The following ZNF148 variants were observed in gnomAD, a reference collection of about 807,000 sequenced individuals.
The protein encoded by ZNF148 is Beta-Enolase Repressor Factor-1.
A neutral mutation model predicts 67.7 loss-of-function variants in ZNF148; 7 were observed. The observed-to-expected ratio is 0.10, with a 90% CI of 0.06 to 0.19. The LOEUF is 0.19. Ranked by LOEUF, ZNF148 falls within the 10% of genes least tolerant of loss-of-function variation. ZNF148 has a pLI of 1.00. For synonymous variants in ZNF148, 333 were observed against 330.7 expected, an observed-to-expected ratio of 1.01 and a Z score of -0.08; for missense variants, 583 against 947.1, an observed-to-expected ratio of 0.62 and a Z score of 5.05.
At chr3:125,257,558 T>TAAAAAAA (rs747363908) in intron 7 of ZNF148, among the ~76,000 whole-genome samples, 12 of 92,324 alleles carry the variant, frequency 1.3e-4, no homozygotes, top group South Asian at 1.2e-3. Flanking sequence ...CCGTCTCTAT[T>TAAAAAAA]AAAAAAAAAA....
chr3:125,274,146 A>G (rs1161770869), intron 7 of ZNF148, among the ~76,000 whole-genome samples: 1 of 152,180 alleles, frequency 6.6e-6, no homozygotes, highest in Non-Finnish European at 1.5e-5. Context: ...CACGTCAGAC[A>G]AAAGTACTTG....
At chr3:125,248,492 T>A (rs1271885345) in intron 7 of ZNF148, among the ~76,000 whole-genome samples, 1 of 152,156 alleles carries the variant, frequency 6.6e-6, no homozygotes, top group Non-Finnish European at 1.5e-5. Flanking sequence ...GCACATCGGC[T>A]TTCTTCCCTT....
intron 7 of ZNF148, among the ~76,000 whole-genome samples, 183 bp from the exon 8 acceptor site, chr3:125,234,512 A>C (rs1311927006): frequency 6.6e-6 from 1 of 152,238 alleles, no homozygotes; most frequent in Non-Finnish European, 1.5e-5. Flanking sequence ...GAAAAGGATG[A>C]ATACAGGCAC....
Position 125,365,188 on chromosome 3 carries a change from T to C in ZNF148, c.-234+9914A>G, listed in dbSNP as rs542910968. On this transcript the variant is annotated intron_variant, in intron 1 of 8. Transcript: ENST00000360647. ...CATGTATCCTTCACACTCCCTACCATAGAACCTTGCACATGGTAAATATAA... is the reference window on the plus strand; with the variant it reads ...CATGTATCCTTCACACTCCCTACCACAGAACCTTGCACATGGTAAATATAA... Among the ~76,000 whole-genome samples the C allele has an allele frequency of 1.2e-4, 19 of 152,304 alleles. No homozygotes were observed. The East Asian group carries it at 2.1e-3, about 17-fold the overall frequency.
chr3:125,251,146 C>T (rs762098455), intron 7 of ZNF148, among the ~76,000 whole-genome samples: 3 of 152,164 alleles, frequency 2.0e-5, no homozygotes, highest in Non-Finnish European at 2.9e-5. Flanking sequence ...CATCAACTCA[C>T]GTAACCAGCA....
At chr3:125,311,389 T>C (rs1286370593) in intron 4 of ZNF148, 2 of 152,384 alleles carry the variant, frequency 1.3e-5, no homozygotes, top group African/African-American at 4.8e-5. Flanking sequence ...TGAGAACTCA[T>C]ACCTTTTTCT....
At chr3:125,234,125 GCT>G in intron 8 of ZNF148, 84 bp downstream of exon 8, 1 of 1,217,514 alleles carries the variant, frequency 8.2e-7, no homozygotes, top group Non-Finnish European at 1.2e-6. Flanking sequence ...CCCTTAAATA[GCT>G]CTAAGTTGTA....
At chr3:125,323,915 C>T (rs904463935) in intron 2 of ZNF148, among the ~76,000 whole-genome samples, 4 of 150,344 alleles carry the variant, frequency 2.7e-5, no homozygotes, top group South Asian at 2.1e-4. Context: ...GCCAAGATTG[C>T]GCCACTGCAC....
intron 2 of ZNF148, among the ~76,000 whole-genome samples, chr3:125,329,141 T>C (rs1335091283): frequency 6.6e-6 from 1 of 150,430 alleles, no homozygotes; most frequent in African/African-American, 2.4e-5. Flanking sequence ...ACACCTATCA[T>C]AATAAACATG....
At chr3:125,273,730 G>A (rs537454743) in intron 7 of ZNF148, among the ~76,000 whole-genome samples, 4 of 152,116 alleles carry the variant, frequency 2.6e-5, no homozygotes, top group Admixed American at 1.3e-4. Flanking sequence ...TCCGCCTGCC[G>A]TGGCCTCCCA....
intron 4 of ZNF148, among the ~76,000 whole-genome samples, chr3:125,310,532 A>G (rs1940148395): frequency 6.6e-6 from 1 of 152,194 alleles, no homozygotes; most frequent in Admixed American, 6.5e-5. Flanking sequence ...TCTAAAATGA[A>G]TACGCTTCCA....
chr3:125,239,418 A>C (rs1936244880), intron 7 of ZNF148, among the ~76,000 whole-genome samples: 1 of 152,218 alleles, frequency 6.6e-6, no homozygotes, highest in Non-Finnish European at 1.5e-5. Flanking sequence ...TCAGCACATG[A>C]AAAGATGCTC....
At chr3:125,297,547 C>A (rs1939349858) in intron 4 of ZNF148, among the ~76,000 whole-genome samples, 1 of 151,170 alleles carries the variant, frequency 6.6e-6, no homozygotes, top group Non-Finnish European at 1.5e-5. Context: ...AGAACTACTA[C>A]AAATCTGTAA....
chr3:125,271,539 T>C (rs550400397), intron 7 of ZNF148, among the ~76,000 whole-genome samples: 1 of 152,316 alleles, frequency 6.6e-6, no homozygotes, highest in South Asian at 2.1e-4. Flanking sequence ...CAACAGCATA[T>C]TGGTTAAGGG....
In ZNF148 at chr3:125,233,710, T is replaced by G. The variant is rs1428836846; in HGVS notation, c.1016A>C (p.Lys339Thr). 2 of 1,613,830 alleles carry G rather than the reference T, an allele frequency of 1.2e-6. No individual in the cohort carries two copies. Among genetic ancestry groups the G allele is most frequent in the Non-Finnish European group, 1.7e-6 (2 of 1,179,916 alleles). ...AGGCAAGTAATCATTTTTGTCTTTTTTCAGGTCAGATTTGTCCAAAGCACT... is the reference window on the plus strand; with the variant it reads ...AGGCAAGTAATCATTTTTGTCTTTTGTCAGGTCAGATTTGTCCAAAGCACT... The part of the protein sequence containing the change: ...KESALDKSDL[K>T]KDKNDYLPLY... The change falls in exon 9 of 9, where the codon AAA becomes ACA. Residue 339 changes from lysine (K) to threonine (T), a missense_variant. Lys to Thr is a moderately conservative substitution (Grantham distance 78, BLOSUM62 -1). Around this residue, in one of 5 missense-constraint regions of ZNF148, gnomAD observed 78 missense variants for 86.5 expected, o/e 0.90. Coordinates refer to ENST00000360647, the MANE Select transcript of ZNF148 (RefSeq NM_021964.3). The surrounding 1 kb of genome is among the most constrained non-coding windows in gnomAD (Gnocchi z 5.1).
chr3:125,292,126 T>C (rs958685300), intron 4 of ZNF148, among the ~76,000 whole-genome samples: 2 of 152,200 alleles, frequency 1.3e-5, no homozygotes, highest in Admixed American at 6.5e-5. Context: ...ACAGGAAGAC[T>C]TCAAATTCCA....
chr3:125,279,378 C>A, intron 5 of ZNF148, 131 bp from the exon 6 acceptor site: 1 of 743,410 alleles, frequency 1.3e-6, no homozygotes, highest in Non-Finnish European at 2.0e-6. Flanking sequence ...CTTAAATGAT[C>A]TTGAAAAGAC....
chr3:125,309,164 A>C (rs1220948795), intron 4 of ZNF148, among the ~76,000 whole-genome samples: 1 of 152,220 alleles, frequency 6.6e-6, no homozygotes, highest in Non-Finnish European at 1.5e-5. Context: ...TGGATTATAC[A>C]AGTTTATGCA....
chr3:125,249,368 T>TATACATTTTTCCAAAGAAGACC (rs1362697850), intron 7 of ZNF148, among the ~76,000 whole-genome samples: 2 of 152,106 alleles, frequency 1.3e-5, no homozygotes, highest in Non-Finnish European at 2.9e-5. Context: ...AGGACCTGAA[T>TATACATTTTTCCAAAGAAGACC]ATACATTTTT....
Sources: allele counts gnomAD v4.1 joint callset (sites outside exome capture counted in the v4.1 genomes callset), GRCh38; gene constraint gnomAD v4.1.1; regional missense constraint gnomAD v4.1.1; non-coding constraint Gnocchi (gnomAD v3.1); transcripts MANE v1.5; gene names NCBI Gene and HGNC (gene_info 2026-07-23, HGNC 2026-07-21).